Variants in CHIC2 observed in about 807,000 individuals in gnomAD.
CHIC2 encodes cysteine rich hydrophobic domain 2, also known as cysteine-rich hydrophobic domain-containing protein 2.
In CHIC2, 14 loss-of-function variants were observed where a neutral mutation model predicts 25.9. The observed-to-expected ratio is 0.54, with a 90% CI of 0.36 to 0.85. The LOEUF is 0.85. Among genes scored for constraint, CHIC2 ranks in the 40% least tolerant of loss-of-function variants. The pLI, the probability that CHIC2 is intolerant of heterozygous loss-of-function variation, is 0.01. For missense variants in CHIC2, 146 were observed against 202.0 expected (o/e 0.72, Z 1.68); for synonymous variants, 70 against 72.0 (o/e 0.97, Z 0.14).
the CHIC2 span, among the ~76,000 whole-genome samples, chr4:54,083,633 A>G: frequency 6.6e-6 from 1 of 152,088 alleles, no homozygotes; most frequent in Admixed American, 6.5e-5. Flanking sequence ...CATTGGTGCT[A>G]CCTTCCAAAT....
intron 3 of CHIC2, among the ~76,000 whole-genome samples, chr4:54,045,126 A>G (rs1358146465): frequency 3.3e-5 from 5 of 152,226 alleles, no homozygotes. Context: ...GAATAGACCA[A>G]TAACAGGCTC....
chr4:54,010,529 G>A (rs1026655534), intron 5 of CHIC2, among the ~76,000 whole-genome samples: 1 of 152,086 alleles, frequency 6.6e-6, no homozygotes, highest in South Asian at 2.1e-4. Context: ...TGTATACCAG[G>A]TGTTCCATAC....
At chr4:54,090,899 C>T in the CHIC2 span, among the ~76,000 whole-genome samples, 34 of 151,978 alleles carry the variant, frequency 2.2e-4, no homozygotes, top group South Asian at 1.9e-3. Flanking sequence ...AGGACAGAGG[C>T]GACAAAACTT....
At chr4:54,077,820 G>C in the CHIC2 span, among the ~76,000 whole-genome samples, 1 of 152,170 alleles carries the variant, frequency 6.6e-6, no homozygotes, top group Non-Finnish European at 1.5e-5. Flanking sequence ...AGGACCTGTT[G>C]TTCAAGGGCG....
intron 3 of CHIC2, among the ~76,000 whole-genome samples, chr4:54,021,184 A>G (rs917363626): frequency 1.3e-5 from 2 of 152,162 alleles, no homozygotes; most frequent in African/African-American, 4.8e-5. Context: ...CTTGACCCCA[A>G]TACAAACTCG....
At position 54,049,121 on chromosome 4, in the gene CHIC2, A is replaced by C; in HGVS notation, c.175-11T>G. The C allele has an allele frequency of 6.3e-7, 1 of 1,592,796 alleles. No homozygotes were observed. The highest frequency in any genetic ancestry group is 8.5e-7 in the Non-Finnish European group (1 of 1,170,664). On this transcript the variant is annotated splice_polypyrimidine_tract_variant and intron_variant, in intron 2 of 5. Coordinates refer to ENST00000263921, the MANE Select transcript of CHIC2 (RefSeq NM_012110.4). ...TTCTTCAGGAGCTACCTAAAGAAAA[A>C]TTTTAAGAAATAATAACAATGCAAT...
chr4:54,034,132 C>T (rs549559294), intron 3 of CHIC2, among the ~76,000 whole-genome samples: 20 of 152,154 alleles, frequency 1.3e-4, no homozygotes, highest in South Asian at 4.1e-4. Context: ...TCGCCAGACG[C>T]GGTGGCTCAT....
intron 3 of CHIC2, among the ~76,000 whole-genome samples, chr4:54,028,723 AT>A (rs2110069316): frequency 6.6e-6 from 1 of 152,304 alleles, no homozygotes; most frequent in East Asian, 1.9e-4. Flanking sequence ...CATATTTTCC[AT>A]TTTATAGCAA....
At chr4:54,035,795 G>A (rs13144550) in intron 3 of CHIC2, among the ~76,000 whole-genome samples, 40,853 of 152,044 alleles carry the variant, frequency 0.27, 6,308 homozygotes, top group Middle Eastern at 0.4. Context: ...GATGAAAACA[G>A]AGGTCATGGA....
At chr4:54,069,632 G>A in the CHIC2 span, among the ~76,000 whole-genome samples, 1 of 152,180 alleles carries the variant, frequency 6.6e-6, no homozygotes, top group Non-Finnish European at 1.5e-5. Flanking sequence ...TCATCCTGAA[G>A]CTAACTAGGA....
At chr4:54,071,884 A>G in the CHIC2 span, among the ~76,000 whole-genome samples, 1 of 152,172 alleles carries the variant, frequency 6.6e-6, no homozygotes, top group East Asian at 1.9e-4. Context: ...ATGTGTACAC[A>G]TTTGGTTCAA....
chr4:54,010,290 T>G, intron 5 of CHIC2, 145 bp from the exon 6 acceptor site: 1 of 591,510 alleles, frequency 1.7e-6, no homozygotes, highest in Non-Finnish European at 3.1e-6. Context: ...CTTTATCTGA[T>G]AATGCAGAGT....
chr4:54,058,557 CAT>C (rs1180959208), intron 1 of CHIC2, among the ~76,000 whole-genome samples: 160 of 90,554 alleles, frequency 1.8e-3, no homozygotes, highest in Non-Finnish European at 2.8e-3. Context: ...CATACACACA[CAT>C]ACACACACAC....
At chr4:54,047,991 G>A (rs1716888442) in intron 3 of CHIC2, among the ~76,000 whole-genome samples, 1 of 151,628 alleles carries the variant, frequency 6.6e-6, no homozygotes, top group South Asian at 2.1e-4. Context: ...TTAAAATTTT[G>A]TTTATTTGTT....
At chr4:54,035,923 C>T (rs1255595314) in intron 3 of CHIC2, among the ~76,000 whole-genome samples, 1 of 152,138 alleles carries the variant, frequency 6.6e-6, no homozygotes, top group Admixed American at 6.5e-5. Flanking sequence ...ATTCATTCTG[C>T]TTTTAAATTT....
At chr4:54,054,594 T>C (rs1456576036) in intron 1 of CHIC2, among the ~76,000 whole-genome samples, 1 of 152,180 alleles carries the variant, frequency 6.6e-6, no homozygotes, top group Non-Finnish European at 1.5e-5. Flanking sequence ...CCATGTATAC[T>C]AGAGAGAGTA....
intron 3 of CHIC2, among the ~76,000 whole-genome samples, chr4:54,040,057 G>A (rs1372069331): frequency 6.6e-6 from 1 of 152,138 alleles, no homozygotes; most frequent in African/African-American, 2.4e-5. Flanking sequence ...TTCAACTACA[G>A]AGGTAGTAAG....
chr4:54,089,992 A>C, the CHIC2 span, among the ~76,000 whole-genome samples: 6 of 152,182 alleles, frequency 3.9e-5, no homozygotes, highest in Non-Finnish European at 8.8e-5. Context: ...GGCTATGTAC[A>C]CTGAATAAGC....
chr4:54,038,834 C>A (rs1716475072), intron 3 of CHIC2, among the ~76,000 whole-genome samples: 1 of 151,342 alleles, frequency 6.6e-6, no homozygotes, highest in Non-Finnish European at 1.5e-5. Context: ...CCAACCTGGG[C>A]AACACAGCAA....
Sources: allele counts gnomAD v4.1 joint callset (sites outside exome capture counted in the v4.1 genomes callset), GRCh38; gene constraint gnomAD v4.1.1; transcripts MANE v1.5; gene names NCBI Gene and HGNC (gene_info 2026-07-23, HGNC 2026-07-21).